Variants in MAPDA observed in about 807,000 individuals in gnomAD.
MAPDA encodes N6-Methyl-AMP deaminase.
At chr15:43,330,390 G>C in the MAPDA span, 1 of 1,585,252 alleles carries the variant, frequency 6.3e-7, no homozygotes, top group Non-Finnish European at 8.5e-7. Context: ...AAGGGGTCCT[G>C]CACGTACCCG....
chr15:43,336,465 A>C, the MAPDA span, among the ~76,000 whole-genome samples: 2 of 152,206 alleles, frequency 1.3e-5, no homozygotes, highest in African/African-American at 2.4e-5. Flanking sequence ...ATTTTCTATC[A>C]TTTGATTATC....
At chr15:43,343,648 T>C in the MAPDA span, among the ~76,000 whole-genome samples, 1 of 152,120 alleles carries the variant, frequency 6.6e-6, no homozygotes, top group Non-Finnish European at 1.5e-5. Flanking sequence ...GCATTATTTG[T>C]AACAAGATTA....
chr15:43,330,670 G>C, the MAPDA span: 209 of 623,210 alleles, frequency 3.4e-4, no homozygotes, highest in African/African-American at 3.6e-3. Flanking sequence ...ATTGAGGAGG[G>C]TGTAGCCAGT....
the MAPDA span, among the ~76,000 whole-genome samples, chr15:43,341,297 C>G: frequency 1.6e-4 from 25 of 152,094 alleles, no homozygotes; most frequent in African/African-American, 5.6e-4. Flanking sequence ...CCACGTTGTA[C>G]TGGTGAGAGT....
At chr15:43,330,499 A>G in the MAPDA span, 11 of 1,513,836 alleles carry the variant, frequency 7.3e-6, no homozygotes, top group Admixed American at 2.1e-4. Context: ...TGGCCAGAAG[A>G]GACTCAGGAA....
At chr15:43,330,617 A>C in the MAPDA span, 15 of 1,128,524 alleles carry the variant, frequency 1.3e-5, no homozygotes, top group South Asian at 2.4e-4. Flanking sequence ...TTCCGCCGGC[A>C]CTTGTGCGTC....
chr15:43,351,031 C>T, the MAPDA span: 7 of 1,551,386 alleles, frequency 4.5e-6, no homozygotes, highest in East Asian at 2.4e-5. Flanking sequence ...GCCCATCCTT[C>T]TGTGATCTGT....
the MAPDA span, among the ~76,000 whole-genome samples, chr15:43,342,329 T>A: frequency 6.6e-6 from 1 of 151,680 alleles, no homozygotes; most frequent in Non-Finnish European, 1.5e-5. Context: ...GCACTCAGAC[T>A]TGGAAGAACA....
the MAPDA span, chr15:43,349,159 A>G: frequency 2.5e-4 from 385 of 1,521,096 alleles, no homozygotes; most frequent in Non-Finnish European, 3.2e-4. Context: ...TCATCTAGCT[A>G]TTAAAAGATG....
chr15:43,353,421 T>C, the MAPDA span: 1 of 152,194 alleles, frequency 6.6e-6, no homozygotes, highest in Non-Finnish European at 1.5e-5. Context: ...TTACTAAGGA[T>C]TTCTGATAGG....
At chr15:43,332,804 G>T in the MAPDA span, among the ~76,000 whole-genome samples, 1 of 152,112 alleles carries the variant, frequency 6.6e-6, no homozygotes, top group East Asian at 1.9e-4. Flanking sequence ...TGGGAGACAG[G>T]ATACTTGCTT....
chr15:43,340,309 G>A, the MAPDA span: 1 of 1,614,116 alleles, frequency 6.2e-7, no homozygotes, highest in East Asian at 2.2e-5. Flanking sequence ...ACGGCGTCAA[G>A]TACCTGGAAC....
the MAPDA span, among the ~76,000 whole-genome samples, chr15:43,341,671 C>G: frequency 9.9e-5 from 15 of 151,800 alleles, no homozygotes; most frequent in Admixed American, 8.5e-4. Context: ...AGACCCCCCC[C>G]ACCTCTATGG....
the MAPDA span, among the ~76,000 whole-genome samples, chr15:43,340,934 G>A: frequency 6.6e-6 from 1 of 152,194 alleles, no homozygotes; most frequent in Non-Finnish European, 1.5e-5. Flanking sequence ...GCAGAATCAT[G>A]TTTTATGGTA....
At chr15:43,337,316 A>G in the MAPDA span, among the ~76,000 whole-genome samples, 1 of 151,488 alleles carries the variant, frequency 6.6e-6, no homozygotes, top group Middle Eastern at 3.4e-3. Flanking sequence ...TAGACCACAG[A>G]TGGGGATATC....
the MAPDA span, chr15:43,336,811 A>G: frequency 1.1e-5 from 7 of 648,226 alleles, no homozygotes; most frequent in Non-Finnish European, 1.7e-5. Flanking sequence ...CTATTATGGC[A>G]ACTCTTCAAA....
chr15:43,345,936 A>C, the MAPDA span: 3 of 1,614,134 alleles, frequency 1.9e-6, no homozygotes, highest in Admixed American at 5.0e-5. Context: ...CTTCCTTTCT[A>C]CTGAGGGTAC....
At chr15:43,330,360 C>T in the MAPDA span, 4 of 1,604,190 alleles carry the variant, frequency 2.5e-6, no homozygotes, top group African/African-American at 5.4e-5. Flanking sequence ...CGCGCCGCGC[C>T]CGGAACCAGC....
At chr15:43,340,363 T>C in the MAPDA span, 1 of 1,606,246 alleles carries the variant, frequency 6.2e-7, no homozygotes. Flanking sequence ...GTAGAATTTA[T>C]ACTTCTCAGC....
Sources: allele counts gnomAD v4.1 joint callset (sites outside exome capture counted in the v4.1 genomes callset), GRCh38; gene constraint gnomAD v4.1.1; transcripts MANE v1.5; gene names NCBI Gene and HGNC (gene_info 2026-07-23, HGNC 2026-07-21).